LDHD: variants seen among roughly 807,000 people sequenced by gnomAD.
The protein encoded by LDHD is D-lactate dehydrogenase, mitochondrial.
In LDHD, 58 loss-of-function variants were observed where a neutral mutation model predicts 52.9. That is an observed-to-expected ratio of 1.10 (90% CI 0.89 to 1.36). LDHD has a LOEUF of 1.36. Among genes scored for constraint, LDHD ranks in the 40% most tolerant of loss-of-function variants. LDHD has a pLI of 0.00. For synonymous variants in LDHD, 350 were observed against 288.6 expected, an observed-to-expected ratio of 1.21 and a Z score of -2.16; for missense variants, 747 against 668.0, an observed-to-expected ratio of 1.12 and a Z score of -1.30.
rs1229647478 is a variant in LDHD at position 75,114,631 on chromosome 16, G to A, written c.524C>T (p.Thr175Ile). The change falls in exon 5 of 11, where the codon ACC becomes ATC. Residue 175 changes from threonine to isoleucine, a missense_variant. Physicochemically the swap from Thr to Ile is moderately conservative, Grantham distance 89. Coordinates refer to ENST00000450168, the MANE Select transcript of LDHD (RefSeq NM_194436.3). ...CATGGTGCCGTAGCGGACCGCGTTG[G>A]TCCCCGACGCCCCGGTGGCCGCCAT... ...CGMAATGASG[T>I]NAVRYGTMRD... is the part of the protein sequence containing the mutation. 6.5e-7 allele frequency: 1 copy of A among 1,532,468 alleles called. No homozygotes were observed. Among genetic ancestry groups the A allele is most frequent in the Non-Finnish European group, 8.8e-7 (1 of 1,142,540 alleles). The allele number at this position is 1,532,468 out of a possible 1,614,324, so 94.9% of individuals were successfully genotyped here.
rs369568676 is a variant in LDHD at position 75,115,532 on chromosome 16, G to A, written c.185+16C>T. ...AATCCAGAAGACAGGGGAGGGGCCCGCGAACCCTCCCATACCTGTGCACCG... is the reference window on the plus strand; with the variant it reads ...AATCCAGAAGACAGGGGAGGGGCCCACGAACCCTCCCATACCTGTGCACCG... On this transcript the variant is annotated intron_variant, in intron 2 of 10. Coordinates refer to ENST00000450168, the MANE Select transcript of LDHD (RefSeq NM_194436.3). The A allele has an allele frequency of 2.7e-5, 43 of 1,606,672 alleles. No individual in the cohort carries two copies. The highest frequency in any genetic ancestry group is 3.4e-5 in the Non-Finnish European group (40 of 1,174,536).
chr16:75,114,433 G>T, intron 5 of LDHD, 93 bp downstream of exon 5: 1 of 1,384,398 alleles, frequency 7.2e-7, no homozygotes, highest in Non-Finnish European at 9.5e-7. Context: ...CCAGGGGGCC[G>T]CCAGGAGGTG....
chr16:75,114,263 C>CT, intron 5 of LDHD, 98 bp from the exon 6 acceptor site: 2 of 1,572,288 alleles, frequency 1.3e-6, no homozygotes, highest in African/African-American at 2.7e-5. Context: ...ACCCCAGGCA[C>CT]TGAGGTCTGG....
Position 75,114,127 on chromosome 16 carries a change from A to C in LDHD, c.668T>G (p.Val223Gly). Residue 223 changes from valine (V) to glycine (G), a missense_variant, in exon 6 of 11, where the codon GTG (valine) becomes GGG (glycine). By Grantham distance (109) the Val-to-Gly change is moderately radical. Transcript: ENST00000450168. ...AAGYNLTGLF[V>G]GSEGTLGLIT... ...GAGGCCCAGCGTCCCCTCGGAGCCC[A>C]CGAAGAGCCCCGTGAGGTTGTAGCC... 6.2e-7 allele frequency: 1 copy of C among 1,612,818 alleles called. No individual in the cohort carries two copies.
intron 4 of LDHD, 47 bp downstream of exon 4, chr16:75,114,780 G>A (rs2036505235): frequency 6.3e-7 from 1 of 1,595,292 alleles, no homozygotes; most frequent in South Asian, 1.1e-5. Flanking sequence ...ACACAGCCCT[G>A]CTCCCACGGT....
chr16:75,111,864 T>C lies in LDHD; in HGVS notation c.*492A>G, dbSNP rs2036399342. 6.5e-6 allele frequency: 1 copy of C among 153,116 alleles called. No individual in the cohort carries two copies. The highest frequency in any genetic ancestry group is 1.5e-5 in the Non-Finnish European group (1 of 68,820). 9.5% of individuals were successfully genotyped at this position (153,116 alleles called of 1,614,324 possible). A position where few individuals can be genotyped will look rare whatever the true frequency, so the allele number is the denominator to read the frequency against. Reference sequence around the variant, plus strand: ...TGCTGCCTGCTGACTTCCAGGTAGCTGTAGGTGGGTTTCAGGTTTATTACA... The same window carrying C: ...TGCTGCCTGCTGACTTCCAGGTAGCCGTAGGTGGGTTTCAGGTTTATTACA... On this transcript the variant is annotated 3_prime_UTR_variant, in exon 11 of 11. Coordinates refer to ENST00000450168, the MANE Select transcript of LDHD (RefSeq NM_194436.3).
chr16:75,115,310 G>A lies in LDHD; in HGVS notation c.215C>T (p.Pro72Leu), dbSNP rs1252544028. The change falls in exon 3 of 11, where the codon CCC (proline) becomes CTC (leucine). Residue 72 changes from proline to leucine, a missense_variant. Pro to Leu is a moderately conservative substitution (Grantham distance 98). Coordinates refer to ENST00000450168, the MANE Select transcript of LDHD (RefSeq NM_194436.3). ...RCEPPDAVVW[P>L]QNVEQVSRLA... ...CCGGCTGACCTGCTCCACGTTCTGG[G>A]GCCACACCACAGCATCAGGAGGTTC... 1 of 1,613,630 alleles carries A rather than the reference G, an allele frequency of 6.2e-7. No individual in the cohort carries two copies. The highest frequency in any genetic ancestry group is 8.5e-7 in the Non-Finnish European group (1 of 1,180,014).
intron 5 of LDHD, 164 bp from the exon 6 acceptor site, chr16:75,114,329 C>T: frequency 2.0e-6 from 3 of 1,472,118 alleles, no homozygotes; most frequent in Non-Finnish European, 2.7e-6. Context: ...TCCACAAAGC[C>T]AGTCGGCCTC....
intron 1 of LDHD, 68 bp from the exon 2 acceptor site, chr16:75,115,728 T>G: frequency 1.0e-6 from 1 of 1,004,672 alleles, no homozygotes. Flanking sequence ...TGCCCCAGTG[T>G]CGGGGGGAGG....
In LDHD at chr16:75,112,222, GC is replaced by G; in HGVS notation, c.*133del. ...TTCTCTCTGGGCCCTCTGGCCTTGG[GC>G]CCAGATACAGTGGGCTCGCTGGCAG... is the stretch of plus-strand genomic sequence containing the variant. On this transcript the variant is annotated 3_prime_UTR_variant, in exon 11 of 11. Coordinates refer to ENST00000450168, the MANE Select transcript of LDHD (RefSeq NM_194436.3). The G allele has an allele frequency of 9.2e-7, 1 of 1,088,760 alleles. No individual in the cohort carries two copies. The highest frequency in any genetic ancestry group is 1.3e-6 in the Non-Finnish European group (1 of 763,158). 67.4% of individuals were successfully genotyped at this position (1,088,760 alleles called of 1,614,324 possible).
In LDHD at chr16:75,116,740, GGT is replaced by G; in HGVS notation, c.-22_-21del. ...GGCCATAGCCAGGCACTGGCCAGAG[GGT>G]GTGAGCACTGGGTGGCAGGGTGACC... On this transcript the variant is annotated 5_prime_UTR_variant, in exon 1 of 11. Coordinates refer to ENST00000450168, the MANE Select transcript of LDHD (RefSeq NM_194436.3). 6.5e-7 allele frequency: 1 copy of G among 1,549,478 alleles called. No homozygotes were observed. The highest frequency in any genetic ancestry group is 8.7e-7 in the Non-Finnish European group (1 of 1,149,196).
rs199984453 is a variant in LDHD, at chr16:75,112,883, C to T, written c.1128G>A (p.Pro376=). ...TDVCVPISRL[P]EIVVQTKEDL... ...CCTCCTTGGTCTGCACCACGATCTC[C>T]GGCAGCCGGGAGATGGGCACACACA... The change falls in exon 9 of 11, where the codon CCG becomes CCA. Residue 376 remains proline (P), a synonymous_variant. Coordinates refer to ENST00000450168, the MANE Select transcript of LDHD (RefSeq NM_194436.3). The T allele has an allele frequency of 3.2e-5, 51 of 1,613,190 alleles. No individual in the cohort carries two copies. In the East Asian group the frequency reaches 3.6e-4, roughly 11 times the overall value.
At position 75,112,912 on chromosome 16, in the gene LDHD, C is replaced by G; in HGVS notation, c.1099G>C (p.Asp367His). ...AGCCGGGAGATGGGCACACACACAT[C>G]CGTGGAGTAGCCCTGGTCAGAGGGA... is the stretch of plus-strand genomic sequence containing the variant. ...TRPGCKGYST[D>H]VCVPISRLPE... Residue 367 changes from aspartate to histidine, a missense_variant, in exon 9 of 11, where the codon GAT (aspartate) becomes CAT (histidine). Asp to His is a moderately conservative substitution (Grantham distance 81). Transcript: ENST00000450168. 6.2e-7 allele frequency: 1 copy of G among 1,611,630 alleles called. No homozygotes were observed. The highest frequency in any genetic ancestry group is 8.5e-7 in the Non-Finnish European group (1 of 1,179,702).
Position 75,114,693 on chromosome 16 carries a change from G to A in LDHD, c.470-8C>T, listed in dbSNP as rs566747944. The A allele has an allele frequency of 7.8e-6, 12 of 1,533,456 alleles. No homozygotes were observed. Among genetic ancestry groups the A allele is most frequent in the Admixed American group, 4.0e-5 (2 of 49,560 alleles). The allele number at this position is 1,533,456 out of a possible 1,614,324, so 95.0% of individuals were successfully genotyped here. ...AGGCGTCCGCGCCTGGGTCTGGAGGGCGGCGTACAGAAGGCAGCCTCAGGG... is the reference window on the plus strand; with the variant it reads ...AGGCGTCCGCGCCTGGGTCTGGAGGACGGCGTACAGAAGGCAGCCTCAGGG... On this transcript the variant is annotated splice_polypyrimidine_tract_variant and splice_region_variant and intron_variant, in intron 4 of 10. Transcript: ENST00000450168.
chr16:75,113,601 G>A lies in LDHD; in HGVS notation c.1020C>T (p.Arg340=). ...TGTGCCGTGCTGTCCAAAGCCGGCT[G>A]CGCTCCTCGGCCTCCTTGGCCCAGG... ...DFSWAKEAEE[R]SRLWTARHNA... Residue 340 remains arginine (R), a synonymous_variant, in exon 8 of 11, where the codon CGC becomes CGT. Transcript: ENST00000450168. 6.2e-7 allele frequency: 1 copy of A among 1,613,244 alleles called. No homozygotes were observed.
At position 75,112,856 on chromosome 16, in the gene LDHD, A is replaced by T. The variant is rs1221736520; in HGVS notation, c.1155T>A (p.Asp385Glu). The T allele has an allele frequency of 6.2e-7, 1 of 1,613,456 alleles. No individual in the cohort carries two copies. Among genetic ancestry groups the T allele is most frequent in the Non-Finnish European group, 8.5e-7 (1 of 1,179,874 alleles). The change falls in exon 9 of 11, where the codon GAT (aspartate) becomes GAA (glutamate). Residue 385 changes from aspartate to glutamate, a missense_variant. Asp to Glu is a conservative substitution (Grantham distance 45). Coordinates refer to ENST00000450168, the MANE Select transcript of LDHD (RefSeq NM_194436.3). ...LPEIVVQTKEDLNASGLTGSI... is the reference protein window; with the variant it reads ...LPEIVVQTKEELNASGLTGSI... ...AACCTGTGAGTCCTGAGGCATTCAG[A>T]TCCTCCTTGGTCTGCACCACGATCT...
rs1413519564 is a variant in LDHD, at chr16:75,114,541, C to A, written c.614G>T (p.Arg205Leu). The A allele has an allele frequency of 1.5e-5, 23 of 1,525,540 alleles. No homozygotes were observed. Among genetic ancestry groups the A allele is most frequent in the Non-Finnish European group, 2.0e-5 (23 of 1,141,574 alleles). The allele number at this position is 1,525,540 out of a possible 1,614,324, so 94.5% of individuals were successfully genotyped here. A position where few individuals can be genotyped will look rare whatever the true frequency, so the allele number is the denominator to read the frequency against. ...GGGCGCTCACCGGAAATGCCGGCCT[C>A]GGCCCGCCGTGTGCAGCAGCCGCCC... ...PDGRLLHTAG[R>L]GRHFRKSAAG... The change falls in exon 5 of 11, where the codon CGA becomes CTA. Residue 205 changes from arginine (R) to leucine (L), a missense_variant. Arg to Leu is a moderately radical substitution (Grantham distance 102). Transcript: ENST00000450168.
In LDHD at chr16:75,115,183, G is replaced by T. The variant is rs2036519446; in HGVS notation, c.327+15C>A. The stretch of plus-strand genomic sequence containing the variant: ...TGGGACCATCCTCGGGCCGGGCGAG[G>T]GAGCCCCACTGTACCTGCACAGCAC... On this transcript the variant is annotated intron_variant, in intron 3 of 10. Transcript: ENST00000450168. 2 of 1,608,040 alleles carry T rather than the reference G, an allele frequency of 1.2e-6. No homozygotes were observed. Among genetic ancestry groups the T allele is most frequent in the African/African-American group, 2.7e-5 (2 of 74,834 alleles).
intron 7 of LDHD, 36 bp downstream of exon 7, chr16:75,113,706 C>T: frequency 6.2e-7 from 1 of 1,612,968 alleles, no homozygotes; most frequent in Non-Finnish European, 8.5e-7. Flanking sequence ...GCCACTGAGG[C>T]AGCCCACCCT....
Sources: allele counts gnomAD v4.1 joint callset, GRCh38; gene constraint gnomAD v4.1.1; transcripts MANE v1.5; gene names NCBI Gene and HGNC (gene_info 2026-07-23, HGNC 2026-07-21).